SSBP3: variants seen among roughly 807,000 people sequenced by gnomAD.
The protein encoded by SSBP3 is single-stranded DNA-binding protein 3.
Under a neutral mutation model 69.6 loss-of-function variants are expected in SSBP3, and 5 were observed. That is an observed-to-expected ratio of 0.07 (90% CI 0.04 to 0.15). The LOEUF is 0.15. SSBP3 is among the 10% of genes least tolerant of loss of function. SSBP3 has a pLI of 1.00. For synonymous variants in SSBP3, 196 were observed against 193.4 expected (o/e 1.01, Z -0.11); for missense variants, 312 against 534.0 (o/e 0.58, Z 4.10).
intron 4 of SSBP3, among the ~76,000 whole-genome samples, chr1:54,353,391 C>CCCG (rs1382665382): frequency 6.6e-6 from 1 of 152,192 alleles, no homozygotes; most frequent in African/African-American, 2.4e-5. Context: ...GCTCAACACC[C>CCCG]CCGCTCCTGC....
intron 7 of SSBP3, among the ~76,000 whole-genome samples, chr1:54,256,911 T>C (rs1024350309): frequency 4.6e-5 from 7 of 152,150 alleles, no homozygotes; most frequent in Non-Finnish European, 7.3e-5. Flanking sequence ...GAATGGGCTG[T>C]CCAAAGGGCC....
intron 9 of SSBP3, among the ~76,000 whole-genome samples, chr1:54,249,965 G>T (rs562146316): frequency 6.6e-6 from 1 of 152,124 alleles, no homozygotes; most frequent in South Asian, 2.1e-4. Flanking sequence ...CAGATCCCAT[G>T]ACATCTGACA....
chr1:54,406,629 T>C (rs1649796075), upstream of SSBP3, among the ~76,000 whole-genome samples: 1 of 151,870 alleles, frequency 6.6e-6, no homozygotes, highest in South Asian at 2.1e-4. Flanking sequence ...CCTCTCTTTC[T>C]GTCGCCGGGG....
chr1:54,352,563 A>G (rs370396191), intron 4 of SSBP3, among the ~76,000 whole-genome samples: 1 of 152,052 alleles, frequency 6.6e-6, no homozygotes, highest in Admixed American at 6.6e-5. Flanking sequence ...AGTCATCCAT[A>G]TGGGGTCTTA....
chr1:54,324,712 T>C (rs1013725897), intron 4 of SSBP3, among the ~76,000 whole-genome samples: 6 of 152,196 alleles, frequency 3.9e-5, no homozygotes, highest in Admixed American at 3.3e-4. Context: ...AGGGAGTTAA[T>C]GGGGTGGTGA....
chr1:54,302,318 ATT>A (rs10686460), intron 4 of SSBP3, among the ~76,000 whole-genome samples: 4 of 144,704 alleles, frequency 2.8e-5, no homozygotes, highest in South Asian at 2.2e-4. Flanking sequence ...TCTGAGCATA[ATT>A]TTTTTTTTTT....
intron 4 of SSBP3, among the ~76,000 whole-genome samples, chr1:54,317,329 G>A (rs1646131138): frequency 6.6e-6 from 1 of 152,162 alleles, no homozygotes; most frequent in Non-Finnish European, 1.5e-5. Flanking sequence ...TTGAGCACAG[G>A]AGTTTGAGAC....
At chr1:54,272,180 T>C (rs530133690) in intron 5 of SSBP3, among the ~76,000 whole-genome samples, 8 of 152,002 alleles carry the variant, frequency 5.3e-5, no homozygotes, top group African/African-American at 1.7e-4. Flanking sequence ...CAGGGAGAGG[T>C]TGCCTGGGAG....
intron 4 of SSBP3, among the ~76,000 whole-genome samples, chr1:54,331,450 A>G (rs1334416847): frequency 6.6e-6 from 1 of 152,242 alleles, no homozygotes; most frequent in African/African-American, 2.4e-5. Context: ...AAAACCATGT[A>G]TACAGCCAAC....
At chr1:54,240,820 T>G in intron 13 of SSBP3, 85 bp downstream of exon 13, 1 of 1,568,578 alleles carries the variant, frequency 6.4e-7, no homozygotes, top group South Asian at 1.1e-5. Context: ...GCTCTGGCTC[T>G]GCAACAGTGC....
rs557001061 is a variant in SSBP3 at position 54,259,622 on chromosome 1, C to G, written c.367-1473G>C. On this transcript the variant is annotated intron_variant, in intron 5 of 17. Transcript: ENST00000610401. Reference sequence around the variant, plus strand: ...TAAATTAAAAAGAGAGAGGAGCTGCCTAGGTAGGGTTTCCCCCTTGGCCTT... The same window carrying G: ...TAAATTAAAAAGAGAGAGGAGCTGCGTAGGTAGGGTTTCCCCCTTGGCCTT... Among the ~76,000 whole-genome samples the G allele has an allele frequency of 2.0e-5, 3 of 152,354 alleles. 1 individual carries two copies. Among genetic ancestry groups the G allele is most frequent in the Middle Eastern group, 6.8e-3 (2 of 294 alleles).
intron 4 of SSBP3, among the ~76,000 whole-genome samples, chr1:54,369,227 G>A (rs547043629): frequency 2.0e-5 from 3 of 147,000 alleles, no homozygotes; most frequent in East Asian, 2.1e-4. Context: ...TCGGGGGGGG[G>A]GCCCAAGCCA....
intron 4 of SSBP3, among the ~76,000 whole-genome samples, chr1:54,340,092 G>A (rs1382914413): frequency 6.6e-6 from 1 of 151,996 alleles, no homozygotes; most frequent in African/African-American, 2.4e-5. Flanking sequence ...CGCCTTCAAG[G>A]AAGGCATTTG....
chr1:54,271,999 A>AC (rs914646221), intron 5 of SSBP3, among the ~76,000 whole-genome samples: 3 of 151,888 alleles, frequency 2.0e-5, no homozygotes, highest in African/African-American at 7.3e-5. Flanking sequence ...CGAACTCCCG[A>AC]CCTCAGGTGA....
chr1:54,316,729 TA>T (rs1433186083), intron 4 of SSBP3, among the ~76,000 whole-genome samples: 1 of 144,040 alleles, frequency 6.9e-6, no homozygotes, highest in Non-Finnish European at 1.5e-5. Flanking sequence ...TAAAATAAAA[TA>T]AAAATGTCTT....
At chr1:54,250,845 C>G (rs1644816464) in intron 9 of SSBP3, among the ~76,000 whole-genome samples, 1 of 152,190 alleles carries the variant, frequency 6.6e-6, no homozygotes, top group African/African-American at 2.4e-5. Flanking sequence ...GGTTCCACAG[C>G]AGAACACCTG....
At chr1:54,292,334 G>A (rs183527272) in intron 4 of SSBP3, among the ~76,000 whole-genome samples, 120 of 152,296 alleles carry the variant, frequency 7.9e-4, no homozygotes, top group African/African-American at 2.7e-3. Context: ...CGAAAACCCT[G>A]ACAGAAACTA....
At chr1:54,243,817 G>A (rs1248031653) in intron 9 of SSBP3, among the ~76,000 whole-genome samples, 1 of 152,236 alleles carries the variant, frequency 6.6e-6, no homozygotes, top group East Asian at 1.9e-4. Context: ...CCAGGTGGTA[G>A]TCCTACCCCA....
intron 4 of SSBP3, among the ~76,000 whole-genome samples, chr1:54,386,113 T>C (rs1411670713): frequency 6.6e-6 from 1 of 152,056 alleles, no homozygotes; most frequent in Non-Finnish European, 1.5e-5. Context: ...TAACATGCAG[T>C]GTGGGGTTCA....
Sources: gnomAD v4.1 joint callset for allele counts (sites outside exome capture counted in the v4.1 genomes callset) on GRCh38, gnomAD v4.1.1 for gene constraint, MANE v1.5 for transcripts, NCBI Gene and HGNC (gene_info 2026-07-23, HGNC 2026-07-21) for gene names.